Variants in GFRA2 observed in about 807,000 individuals in gnomAD.
GFRA2 encodes the protein GDNF family receptor alpha-2.
In GFRA2, 17 loss-of-function variants were observed where a neutral mutation model predicts 48.3. The ratio of observed to expected loss-of-function variants is 0.35; its 90% confidence interval spans 0.24 to 0.53. The LOEUF (loss-of-function observed/expected upper bound fraction) is 0.53, where lower values mean the gene tolerates loss of function less well. GFRA2 is among the 20% of genes least tolerant of loss of function. GFRA2 has a pLI of 0.93. For synonymous variants in GFRA2, 305 were observed against 257.2 expected, an observed-to-expected ratio of 1.19 and a Z score of -1.78; for missense variants, 660 against 637.3, an observed-to-expected ratio of 1.04 and a Z score of -0.38.
intron 4 of GFRA2, among the ~76,000 whole-genome samples, chr8:21,744,624 G>T (rs1458121677): frequency 6.6e-6 from 1 of 151,506 alleles, no homozygotes; most frequent in Non-Finnish European, 1.5e-5. Context: ...TAAGCTGAGA[G>T]GGTAAAAACC....
chr8:21,761,330 G>C (rs1805900833), intron 3 of GFRA2, among the ~76,000 whole-genome samples: 1 of 152,204 alleles, frequency 6.6e-6, no homozygotes, highest in African/African-American at 2.4e-5. Context: ...TGCCATCCTG[G>C]GGCTCACATT....
At chr8:21,758,988 A>C (rs1191445524) in intron 3 of GFRA2, among the ~76,000 whole-genome samples, 1 of 152,146 alleles carries the variant, frequency 6.6e-6, no homozygotes, top group African/African-American at 2.4e-5. Flanking sequence ...ATTTTCATAC[A>C]CCAACTACAT....
chr8:21,785,717 C>T (rs2117084196), intron 1 of GFRA2, among the ~76,000 whole-genome samples: 1 of 152,312 alleles, frequency 6.6e-6, no homozygotes, highest in African/African-American at 2.4e-5. Context: ...TCCCCTTCTC[C>T]TTCTCTCCCT....
At chr8:21,709,314 C>T (rs1365621344) in intron 4 of GFRA2, among the ~76,000 whole-genome samples, 1 of 152,228 alleles carries the variant, frequency 6.6e-6, no homozygotes, top group East Asian at 1.9e-4. Context: ...ACACACATAG[C>T]CTGGACCAGG....
intron 4 of GFRA2, among the ~76,000 whole-genome samples, chr8:21,746,428 G>A (rs1385535523): frequency 6.6e-6 from 1 of 152,150 alleles, no homozygotes; most frequent in Non-Finnish European, 1.5e-5. Flanking sequence ...GTGGGAGATA[G>A]GGAAAGAGGG....
intron 4 of GFRA2, among the ~76,000 whole-genome samples, chr8:21,720,679 C>T (rs1211418676): frequency 6.6e-6 from 1 of 152,152 alleles, no homozygotes; most frequent in Non-Finnish European, 1.5e-5. Flanking sequence ...TGTGTTGCTT[C>T]CCTTGCTGAG....
chr8:21,808,924 C>G (rs1396979777), intron 1 of GFRA2, among the ~76,000 whole-genome samples: 1 of 152,240 alleles, frequency 6.6e-6, no homozygotes. Context: ...AGTGATTTCA[C>G]ATATTATTTA....
intron 2 of GFRA2, among the ~76,000 whole-genome samples, chr8:21,775,831 G>T (rs1806666959): frequency 6.6e-6 from 1 of 152,100 alleles, no homozygotes; most frequent in Non-Finnish European, 1.5e-5. Flanking sequence ...GAATGGAAAA[G>T]CAAGTGAATA....
At chr8:21,775,989 C>CTGTGTGTGTGTGTGTG (rs200687629) in intron 2 of GFRA2, among the ~76,000 whole-genome samples, 4 of 126,398 alleles carry the variant, frequency 3.2e-5, no homozygotes, top group Admixed American at 7.7e-5. Flanking sequence ...CACTCATCCT[C>CTGTGTGTGTGTGTGTG]TGTGTGTGTG....
At position 21,700,213 on chromosome 8, in the gene GFRA2, G is replaced by A. The variant is rs371212232; in HGVS notation, c.1218+2592C>T. Among the ~76,000 whole-genome samples the A allele has an allele frequency of 2.1e-3, 319 of 152,266 alleles. 2 individuals carry two copies. Among genetic ancestry groups the A allele is most frequent in the African/African-American group, 7.5e-3 (312 of 41,544 alleles). On this transcript the variant is annotated intron_variant, in intron 7 of 8. Coordinates refer to ENST00000524240, the MANE Select transcript of GFRA2 (RefSeq NM_001495.5). The stretch of plus-strand genomic sequence containing the variant: ...TCCCTGCTCTAGAGCCCAGTGGGAT[G>A]GAGAGAAGGGCAAGGGAATTCAGAC...
chr8:21,788,416 C>A lies in GFRA2; in HGVS notation c.-257G>T. The A allele has an allele frequency of 7.7e-7, 1 of 1,291,012 alleles. No individual in the cohort carries two copies. The highest frequency in any genetic ancestry group is 2.1e-5 in the South Asian group (1 of 47,542). 80.0% of individuals were successfully genotyped at this position (1,291,012 alleles called of 1,614,324 possible). ...CCGCTACAATCAAATATACGCGTAT[C>A]TGTGTATCGGCTTTCTAAGCCAACA... is the stretch of plus-strand genomic sequence containing the variant. On this transcript the variant is annotated 5_prime_UTR_variant, in exon 1 of 9. Coordinates refer to ENST00000524240, the MANE Select transcript of GFRA2 (RefSeq NM_001495.5).
Position 21,692,970 on chromosome 8 carries a change from GGGT to G in GFRA2, c.*305_*307del, listed in dbSNP as rs1292277335. ...CTCTTGTCCGGTCTCTGCTTCAGAAGGGTCCAGAGAGAAAAACACCAGGAGAAA... is the reference window on the plus strand; with the variant it reads ...CTCTTGTCCGGTCTCTGCTTCAGAAGCCAGAGAGAAAAACACCAGGAGAAA... On this transcript the variant is annotated 3_prime_UTR_variant, in exon 9 of 9. Transcript: ENST00000524240. 5.3e-6 allele frequency: 1 copy of G among 189,678 alleles called. No individual in the cohort carries two copies. The highest frequency in any genetic ancestry group is 1.1e-5 in the Non-Finnish European group (1 of 92,100). The allele number at this position is 189,678 out of a possible 1,614,324, so 11.7% of individuals were successfully genotyped here.
intron 4 of GFRA2, among the ~76,000 whole-genome samples, chr8:21,748,902 C>T (rs1018265966): frequency 3.9e-5 from 6 of 152,206 alleles, no homozygotes; most frequent in African/African-American, 1.2e-4. Context: ...CCCACTTCCA[C>T]CCTGTGCCAT....
Position 21,782,646 on chromosome 8 carries a change from G to T in GFRA2, c.294C>A (p.Gly98=). 1.3e-6 allele frequency: 2 copies of T among 1,585,564 alleles called. No individual in the cohort carries two copies. Among genetic ancestry groups the T allele is most frequent in the East Asian group, 2.3e-5 (1 of 42,986 alleles). ...GCAGACACTGCAGCTCCTTCTTCAT[G>T]CCCCGCTTGCAGCGGCAGTCGTACA... ...SPLYDCRCKR[G]MKKELQCLQI... Residue 98 remains glycine (G), a synonymous_variant, in exon 2 of 9, where the codon GGC becomes GGA. Transcript: ENST00000524240.
intron 3 of GFRA2, among the ~76,000 whole-genome samples, chr8:21,765,445 G>A (rs1040292081): frequency 6.6e-6 from 1 of 151,806 alleles, no homozygotes; most frequent in Non-Finnish European, 1.5e-5. Flanking sequence ...ACTTGACTTG[G>A]CTTTTCTGAC....
intron 3 of GFRA2, among the ~76,000 whole-genome samples, chr8:21,765,130 G>T (rs1806094526): frequency 1.4e-5 from 2 of 146,232 alleles, no homozygotes; most frequent in South Asian, 2.2e-4. Flanking sequence ...TATTTTTTTT[G>T]AGACATAGTC....
intron 4 of GFRA2, chr8:21,706,257 T>C (rs1378319347): frequency 7.7e-6 from 5 of 651,252 alleles, no homozygotes; most frequent in African/African-American, 5.4e-5. Flanking sequence ...GACAGGCACA[T>C]AGTGCGGCTT....
chr8:21,728,700 G>A (rs1046266023), intron 4 of GFRA2, among the ~76,000 whole-genome samples: 30 of 152,172 alleles, frequency 2.0e-4, no homozygotes, highest in African/African-American at 7.2e-4. Flanking sequence ...TCAAGTTTCT[G>A]CTCGACCTTA....
chr8:21,702,617 G>T (rs1013537686), intron 7 of GFRA2, among the ~76,000 whole-genome samples, 188 bp downstream of exon 7: 2 of 152,224 alleles, frequency 1.3e-5, no homozygotes, highest in African/African-American at 4.8e-5. Flanking sequence ...TGTAACAGGG[G>T]TTTAACACTT....
Sources: allele counts gnomAD v4.1 joint callset (sites outside exome capture counted in the v4.1 genomes callset), GRCh38; gene constraint gnomAD v4.1.1; transcripts MANE v1.5; gene names NCBI Gene and HGNC (gene_info 2026-07-23, HGNC 2026-07-21).